GCNT2: variants seen among roughly 807,000 people sequenced by gnomAD.
GCNT2 encodes glucosaminyl (N-acetyl) transferase 2 (I blood group), also known as N-acetyllactosaminide beta-1,6-N-acetylglucosaminyl-transferase.
Under a neutral mutation model 34.2 loss-of-function variants are expected in GCNT2, and 34 were observed. The ratio of observed to expected loss-of-function variants is 1.00; its 90% CI spans 0.76 to 1.32. The LOEUF (loss-of-function observed/expected upper bound fraction) is 1.32. GCNT2 is among the 40% of genes most tolerant of loss of function. The pLI is 0.00. For synonymous variants in GCNT2, 212 were observed against 188.0 expected (o/e 1.13, Z -1.04); for missense variants, 584 against 489.4 (o/e 1.19, Z -1.82).
intron 3 of GCNT2, among the ~76,000 whole-genome samples, chr6:10,539,418 A>T (rs556976009): frequency 6.6e-6 from 1 of 151,566 alleles, no homozygotes; most frequent in South Asian, 2.1e-4. Context: ...CGAACTCCTG[A>T]CCTCAGGCGA....
intron 3 of GCNT2, chr6:10,557,343 G>A: frequency 6.2e-7 from 1 of 1,607,874 alleles, no homozygotes; most frequent in Non-Finnish European, 8.5e-7. Flanking sequence ...AGGATTCCAG[G>A]TACGTACAAT....
intron 3 of GCNT2, chr6:10,585,712 G>T (rs1235966641): frequency 3.9e-6 from 5 of 1,274,946 alleles, no homozygotes; most frequent in Non-Finnish European, 5.1e-6. Context: ...GACTGGGCTG[G>T]GCTTAGCTGA....
intron 3 of GCNT2, among the ~76,000 whole-genome samples, chr6:10,597,431 A>G (rs1461696692): frequency 6.6e-6 from 1 of 152,036 alleles, no homozygotes; most frequent in Non-Finnish European, 1.5e-5. Flanking sequence ...CTGGGATTAT[A>G]GGTACTAGCC....
chr6:10,558,811 C>G (rs545005697), intron 3 of GCNT2, among the ~76,000 whole-genome samples: 5 of 152,336 alleles, frequency 3.3e-5, no homozygotes, highest in African/African-American at 1.2e-4. Flanking sequence ...GCGGCTCACT[C>G]GTATGCTGCG....
intron 3 of GCNT2, among the ~76,000 whole-genome samples, chr6:10,620,047 C>T (rs1331325217): frequency 6.6e-6 from 1 of 152,192 alleles, no homozygotes; most frequent in African/African-American, 2.4e-5. Flanking sequence ...AGGATAACCT[C>T]CCTATTTTAA....
intron 3 of GCNT2, among the ~76,000 whole-genome samples, chr6:10,535,959 G>GGCTCATTGTATT (rs1761732659): frequency 6.6e-6 from 1 of 152,136 alleles, no homozygotes; most frequent in East Asian, 1.9e-4. Flanking sequence ...AAATGTGGGT[G>GGCTCATTGTATT]GCTCATTGTA....
intron 3 of GCNT2, among the ~76,000 whole-genome samples, chr6:10,573,580 G>A (rs1427598818): frequency 2.0e-5 from 3 of 152,182 alleles, no homozygotes; most frequent in Non-Finnish European, 2.9e-5. Flanking sequence ...TTCTACTACT[G>A]CCTTTTAAAA....
chr6:10,600,331 G>A lies in GCNT2; in HGVS notation c.926-21020G>A, dbSNP rs533142857. On this transcript the variant is annotated intron_variant, in intron 3 of 4. Transcript: ENST00000495262. ...TACTATATAATACAGTTTTTGAAATGTATACATTTACCATAAAGGAGATCC... is the reference window on the plus strand; with the variant it reads ...TACTATATAATACAGTTTTTGAAATATATACATTTACCATAAAGGAGATCC... Among the ~76,000 whole-genome samples the A allele has an allele frequency of 4.6e-5, 7 of 152,306 alleles. No homozygotes were observed. The South Asian group carries it at 1.5e-3, about 32-fold the overall frequency.
intron 3 of GCNT2, among the ~76,000 whole-genome samples, chr6:10,603,264 A>G (rs551280721): frequency 5.9e-5 from 9 of 152,300 alleles, no homozygotes; most frequent in Non-Finnish European, 8.8e-5. Context: ...TTTTCAATCT[A>G]TGTTCAATGT....
At chr6:10,526,166 A>G (rs1442658595) in intron 1 of GCNT2, among the ~76,000 whole-genome samples, 4 of 152,222 alleles carry the variant, frequency 2.6e-5, no homozygotes, top group Non-Finnish European at 5.9e-5. Context: ...GATTTGTTCA[A>G]AAGAATTCTG....
intron 3 of GCNT2, among the ~76,000 whole-genome samples, chr6:10,567,636 A>C (rs1448451762): frequency 6.6e-6 from 1 of 152,212 alleles, no homozygotes; most frequent in Non-Finnish European, 1.5e-5. Context: ...TGTATTGAAC[A>C]GCTAATAATT....
intron 3 of GCNT2, among the ~76,000 whole-genome samples, chr6:10,620,546 T>G (rs906591555): frequency 6.6e-6 from 1 of 152,084 alleles, no homozygotes; most frequent in Admixed American, 6.5e-5. Flanking sequence ...TAGATGGGAC[T>G]ACAAGCACGT....
chr6:10,523,590 CTAG>C (rs1432157581), intron 1 of GCNT2, among the ~76,000 whole-genome samples: 1 of 152,106 alleles, frequency 6.6e-6, no homozygotes, highest in Non-Finnish European at 1.5e-5. Context: ...TCTGACTTCT[CTAG>C]AAGCCCTGAG....
intron 3 of GCNT2, among the ~76,000 whole-genome samples, chr6:10,552,263 T>G (rs908372552): frequency 6.6e-6 from 1 of 151,918 alleles, no homozygotes; most frequent in Non-Finnish European, 1.5e-5. Context: ...TGGAAATGTC[T>G]TCTTCCTTCA....
intron 3 of GCNT2, chr6:10,586,520 T>C (rs1764356281): frequency 6.2e-7 from 1 of 1,614,196 alleles, no homozygotes; most frequent in East Asian, 2.2e-5. Flanking sequence ...TGAAAGACCT[T>C]GTCGCCTCTG....
At chr6:10,545,495 G>A (rs16870458) in intron 3 of GCNT2, among the ~76,000 whole-genome samples, 27,924 of 152,078 alleles carry the variant, frequency 0.18, 2,691 homozygotes, top group East Asian at 0.25. Flanking sequence ...TTTTTACCTC[G>A]AAGGATTCAT....
At chr6:10,584,270 G>A (rs777994908) in intron 3 of GCNT2, among the ~76,000 whole-genome samples, 4 of 152,134 alleles carry the variant, frequency 2.6e-5, no homozygotes, top group African/African-American at 7.2e-5. Context: ...AAATGTACAC[G>A]TAGGCTAGAT....
chr6:10,621,375 C>T lies in GCNT2; in HGVS notation c.950C>T (p.Ala317Val). ...GGTGTTCCTGGCTCTATGCCAAATG[C>T]ATCCTGGACTGGAAACCTCAGAGCT... is the stretch of plus-strand genomic sequence containing the variant. ...IPGVPGSMPNASWTGNLRAIK... is the reference protein window; with the variant it reads ...IPGVPGSMPNVSWTGNLRAIK... Residue 317 changes from alanine to valine, a missense_variant, in exon 4 of 5, where the codon GCA becomes GTA. Ala to Val is a moderately conservative substitution (Grantham distance 64). Transcript: ENST00000495262. 6.2e-7 allele frequency: 1 copy of T among 1,612,726 alleles called. No individual in the cohort carries two copies. Among genetic ancestry groups the T allele is most frequent in the South Asian group, 1.1e-5 (1 of 91,016 alleles).
rs1561778287 is a variant in GCNT2 at position 10,529,602 on chromosome 6, T to C, written c.691T>C (p.Tyr231His). The C allele has an allele frequency of 1.2e-6, 2 of 1,613,960 alleles. No individual in the cohort carries two copies. Among genetic ancestry groups the C allele is most frequent in the African/African-American group, 2.7e-5 (2 of 74,910 alleles). ...PPDHAVGRTK[Y>H]VHQELLNHKN... ...TGACCACGCTGTTGGACGGACTAAA[T>C]ACGTCCACCAAGAACTGTTAAACCA... The change falls in exon 3 of 5, where the codon TAC (tyrosine) becomes CAC (histidine). Residue 231 changes from tyrosine (Y) to histidine (H), a missense_variant. Physicochemically the swap from Tyr to His is moderately conservative, Grantham distance 83. Coordinates refer to ENST00000495262, the MANE Select transcript of GCNT2 (RefSeq NM_145649.5).
Sources: allele counts gnomAD v4.1 joint callset (sites outside exome capture counted in the v4.1 genomes callset), GRCh38; gene constraint gnomAD v4.1.1; transcripts MANE v1.5; gene names NCBI Gene and HGNC (gene_info 2026-07-23, HGNC 2026-07-21).